Variants in LRRC38 observed in about 807,000 individuals in gnomAD.
The protein encoded by LRRC38 is leucine-rich repeat-containing protein 38.
A neutral mutation model predicts 16.4 loss-of-function variants in LRRC38; 5 were observed. That is an observed-to-expected ratio of 0.31 (90% CI 0.16 to 0.64). The LOEUF is 0.64. Ranked by LOEUF, LRRC38 falls within the 30% of genes least tolerant of loss-of-function variation. The pLI is 0.80. For synonymous variants in LRRC38, 191 were observed against 190.2 expected, an observed-to-expected ratio of 1.00 and a Z score of -0.04; for missense variants, 341 against 401.8, an observed-to-expected ratio of 0.85 and a Z score of 1.29.
intron 1 of LRRC38, among the ~76,000 whole-genome samples, chr1:13,489,365 G>A (rs924706289): frequency 7.2e-5 from 11 of 152,164 alleles, no homozygotes; most frequent in Non-Finnish European, 1.5e-4. Context: ...CACGCCCACA[G>A]CCAGCCTTGG....
chr1:13,491,172 T>C (rs1639007562), intron 1 of LRRC38, among the ~76,000 whole-genome samples: 1 of 152,084 alleles, frequency 6.6e-6, no homozygotes, highest in Non-Finnish European at 1.5e-5. Flanking sequence ...GGAGCGCCAG[T>C]AGCATCTGGA....
At chr1:13,494,790 C>G (rs1020115776) in intron 1 of LRRC38, among the ~76,000 whole-genome samples, 2 of 152,202 alleles carry the variant, frequency 1.3e-5, no homozygotes, top group African/African-American at 2.4e-5. Flanking sequence ...CTGTGCTTTC[C>G]TACCTGAAAA....
chr1:13,511,197 C>A (rs891157694), intron 1 of LRRC38, among the ~76,000 whole-genome samples: 1 of 152,156 alleles, frequency 6.6e-6, no homozygotes, highest in African/African-American at 2.4e-5. Flanking sequence ...TTCCATTGCT[C>A]GTTACTTTCA....
At chr1:13,504,865 A>AAAAGAG (rs147550947) in intron 1 of LRRC38, among the ~76,000 whole-genome samples, 46,511 of 150,612 alleles carry the variant, frequency 0.31, 9,267 homozygotes, top group East Asian at 0.67. Flanking sequence ...AGAAAAAAGA[A>AAAAGAG]AAAGAGAAAG....
intron 1 of LRRC38, among the ~76,000 whole-genome samples, chr1:13,485,095 T>C (rs1456015564): frequency 1.3e-5 from 2 of 148,812 alleles, no homozygotes; most frequent in Non-Finnish European, 3.0e-5. Context: ...CTGACCAACA[T>C]GGAGAAACCC....
At chr1:13,499,078 A>G (rs902306073) in intron 1 of LRRC38, among the ~76,000 whole-genome samples, 5 of 151,896 alleles carry the variant, frequency 3.3e-5, no homozygotes, top group Non-Finnish European at 7.4e-5. Context: ...AACATCTACA[A>G]TGATGATCCC....
intron 1 of LRRC38, among the ~76,000 whole-genome samples, chr1:13,478,630 A>G (rs377699621): frequency 9.8e-4 from 149 of 152,324 alleles, no homozygotes; most frequent in African/African-American, 3.3e-3. Flanking sequence ...CCAGGTTTCA[A>G]AAGGCTGACC....
At chr1:13,490,860 A>G (rs1455171840) in intron 1 of LRRC38, among the ~76,000 whole-genome samples, 1 of 152,058 alleles carries the variant, frequency 6.6e-6, no homozygotes, top group Non-Finnish European at 1.5e-5. Flanking sequence ...CACTGTCCCA[A>G]GTTCATCTGT....
intron 1 of LRRC38, among the ~76,000 whole-genome samples, chr1:13,510,046 A>G (rs1386376872): frequency 6.6e-6 from 1 of 152,076 alleles, no homozygotes; most frequent in Non-Finnish European, 1.5e-5. Context: ...GCTTTGAGAA[A>G]CACCACGGTG....
In LRRC38 at chr1:13,476,017, C is replaced by G; in HGVS notation, c.714G>C (p.Glu238Asp). ...CTGTGAGTGACAGGCTGAACCTACA[C>G]TCGCTGAAGCTGGCCTCCGACAGCT... is the stretch of plus-strand genomic sequence containing the variant. ...LRELSEASFS[E>D]CRFSLSLTDL... The change falls in exon 2 of 2, where the codon GAG becomes GAC. Residue 238 changes from glutamate to aspartate, a missense_variant. Transcript: ENST00000376085. 6.4e-7 allele frequency: 1 copy of G among 1,550,532 alleles called. No homozygotes were observed. Among genetic ancestry groups the G allele is most frequent in the South Asian group, 1.2e-5 (1 of 84,052 alleles).
chr1:13,488,540 G>A lies in LRRC38; in HGVS notation c.632-12441C>T, dbSNP rs1638968059. On this transcript the variant is annotated intron_variant, in intron 1 of 1. Coordinates refer to ENST00000376085, the MANE Select transcript of LRRC38 (RefSeq NM_001010847.2). ...CCACCTCGGCCTCCGAAAGTGCTGG[G>A]ATTTCAGGCCTGAGCCACCGTGACT... is the stretch of plus-strand genomic sequence containing the variant. Among the ~76,000 whole-genome samples, 5 of 152,122 alleles carry A rather than the reference G, an allele frequency of 3.3e-5. No individual in the cohort carries two copies. In the South Asian group the frequency reaches 1.0e-3, roughly 32 times the overall value.
intron 1 of LRRC38, among the ~76,000 whole-genome samples, chr1:13,497,913 T>C (rs1427130209): frequency 1.4e-5 from 2 of 143,914 alleles, no homozygotes; most frequent in Admixed American, 1.4e-4. Context: ...TGAGCCGAGA[T>C]TGCACCATTG....
At chr1:13,498,260 AG>A (rs1333082111) in intron 1 of LRRC38, among the ~76,000 whole-genome samples, 1 of 149,720 alleles carries the variant, frequency 6.7e-6, no homozygotes, top group Non-Finnish European at 1.5e-5. Flanking sequence ...AAAAAAAAAA[AG>A]AGCCCAGTTT....
At chr1:13,506,676 C>T (rs1284484527) in intron 1 of LRRC38, among the ~76,000 whole-genome samples, 1 of 152,182 alleles carries the variant, frequency 6.6e-6, no homozygotes, top group Non-Finnish European at 1.5e-5. Flanking sequence ...CCAGGCTGGT[C>T]CTGAACTCCT....
At chr1:13,481,843 G>T (rs994760568) in intron 1 of LRRC38, among the ~76,000 whole-genome samples, 1 of 150,028 alleles carries the variant, frequency 6.7e-6, no homozygotes, top group Middle Eastern at 3.2e-3. Flanking sequence ...TGAGGACCCA[G>T]AAAGAAGGCG....
At chr1:13,494,509 G>A (rs994773713) in intron 1 of LRRC38, among the ~76,000 whole-genome samples, 2 of 150,112 alleles carry the variant, frequency 1.3e-5, no homozygotes, top group African/African-American at 4.9e-5. Flanking sequence ...TTTTGTCCAC[G>A]TTTTATACAT....
chr1:13,513,570 G>A lies in LRRC38; in HGVS notation c.24C>T (p.Cys8=). ...TGCAGAGCCCGAGCGCCGCGGCGGC[G>A]CAGGCTGGGGCTCGGGGGCGCATGG... MRPRAPA[C]AAAALGLCSL... The change falls in exon 1 of 2, where the codon TGC becomes TGT. Residue 8 remains cysteine, a synonymous_variant. Coordinates refer to ENST00000376085, the MANE Select transcript of LRRC38 (RefSeq NM_001010847.2). 1.7e-6 allele frequency: 2 copies of A among 1,202,382 alleles called. No individual in the cohort carries two copies. The highest frequency in any genetic ancestry group is 8.2e-5 in the South Asian group (2 of 24,316). 74.5% of individuals were successfully genotyped at this position (1,202,382 alleles called of 1,614,324 possible). A position where few individuals can be genotyped will look rare whatever the true frequency, so the allele number is the denominator to read the frequency against.
intron 1 of LRRC38, among the ~76,000 whole-genome samples, chr1:13,505,303 G>A (rs1487044596): frequency 1.3e-5 from 2 of 152,188 alleles, no homozygotes; most frequent in East Asian, 1.9e-4. Context: ...CAGGAGCTGC[G>A]GCTCAGGGGG....
Position 13,475,759 on chromosome 1 carries a change from C to T in LRRC38, c.*87G>A. On this transcript the variant is annotated 3_prime_UTR_variant, in exon 2 of 2. Coordinates refer to ENST00000376085, the MANE Select transcript of LRRC38 (RefSeq NM_001010847.2). The surrounding 1 kb of genome is among the most constrained non-coding windows in gnomAD (Gnocchi z 4.3). Reference sequence around the variant, plus strand: ...TTCAGTTCACAGATGGTGGCCAGTGCTTTTCCATTTTCAGCATTTCCCTCT... The same window carrying T: ...TTCAGTTCACAGATGGTGGCCAGTGTTTTTCCATTTTCAGCATTTCCCTCT... The T allele has an allele frequency of 6.7e-7, 1 of 1,490,784 alleles. No individual in the cohort carries two copies. Among genetic ancestry groups the T allele is most frequent in the Non-Finnish European group, 9.0e-7 (1 of 1,114,636 alleles). The allele number at this position is 1,490,784 out of a possible 1,614,324, so 92.3% of individuals were successfully genotyped here.
Sources: gnomAD v4.1 joint callset for allele counts (sites outside exome capture counted in the v4.1 genomes callset) on GRCh38, gnomAD v4.1.1 for gene constraint, Gnocchi (gnomAD v3.1) non-coding constraint, MANE v1.5 for transcripts, NCBI Gene and HGNC (gene_info 2026-07-23, HGNC 2026-07-21) for gene names.